The following KIAA1958 variants were observed in gnomAD, a reference collection of about 807,000 sequenced individuals.
The protein encoded by KIAA1958 is uncharacterized protein KIAA1958.
In KIAA1958, 14 loss-of-function variants were observed where a neutral mutation model predicts 47.2. The observed-to-expected ratio is 0.30, with a 90% confidence interval of 0.20 to 0.46. KIAA1958 has a LOEUF of 0.46. Among genes scored for constraint, KIAA1958 ranks in the 20% least tolerant of loss-of-function variants. The pLI is 1.00. For synonymous variants in KIAA1958, 354 were observed against 353.3 expected (o/e 1.00, Z -0.02); for missense variants, 803 against 909.2 (o/e 0.88, Z 1.50).
intron 1 of KIAA1958, among the ~76,000 whole-genome samples, chr9:112,556,306 G>C (rs1483723156): frequency 2.6e-5 from 4 of 152,198 alleles, no homozygotes; most frequent in Non-Finnish European, 5.9e-5. Context: ...CCAGGGCAAA[G>C]TCTGCTGCCT....
In KIAA1958 at chr9:112,668,927, A is replaced by G. The variant is rs142599122; in HGVS notation, c.*8858A>G. Reference sequence around the variant, plus strand: ...TTTATTTAAAAATTTAATATTTTCTATGGGGCTGTATTTTCCAAATAATAG... The same window carrying G: ...TTTATTTAAAAATTTAATATTTTCTGTGGGGCTGTATTTTCCAAATAATAG... On this transcript the variant is annotated 3_prime_UTR_variant, in exon 4 of 4. Coordinates refer to ENST00000337530, the MANE Select transcript of KIAA1958 (RefSeq NM_133465.4). 1.3e-4 allele frequency: 20 copies of G among 152,354 alleles called. No homozygotes were observed. In the East Asian group the frequency reaches 3.9e-3, roughly 29 times the overall value. 9.4% of individuals were successfully genotyped at this position (152,354 alleles called of 1,614,324 possible). A position where few individuals can be genotyped will look rare whatever the true frequency, so the allele number is the denominator to read the frequency against.
intron 1 of KIAA1958, among the ~76,000 whole-genome samples, chr9:112,534,979 A>C (rs1288108057): frequency 6.6e-6 from 1 of 152,150 alleles, no homozygotes; most frequent in Non-Finnish European, 1.5e-5. Context: ...AATTTTTTTA[A>C]TTGACAAATA....
chr9:112,592,950 A>C (rs1588032147), intron 2 of KIAA1958, among the ~76,000 whole-genome samples: 1 of 152,356 alleles, frequency 6.6e-6, no homozygotes. Flanking sequence ...TGTATATAAT[A>C]GCCCATTTTT....
chr9:112,632,734 G>A (rs1365441051), intron 2 of KIAA1958, among the ~76,000 whole-genome samples: 1 of 151,898 alleles, frequency 6.6e-6, no homozygotes. Flanking sequence ...TGTTTTATAA[G>A]TATTTTCTCC....
chr9:112,554,257 T>TGGGA (rs1342802752), intron 1 of KIAA1958, among the ~76,000 whole-genome samples: 1 of 152,134 alleles, frequency 6.6e-6, no homozygotes, highest in Non-Finnish European at 1.5e-5. Context: ...CCCAACACTT[T>TGGGA]GGGAGGCCGA....
chr9:112,617,598 C>A lies in KIAA1958; in HGVS notation c.1172-28052C>A, dbSNP rs550309769. On this transcript the variant is annotated intron_variant, in intron 2 of 3. Coordinates refer to ENST00000337530, the MANE Select transcript of KIAA1958 (RefSeq NM_133465.4). The stretch of plus-strand genomic sequence containing the variant: ...AAGGCTGTCTCTAATCTCTCTCTTT[C>A]GACAAACCTTCATGCACTAAACTAT... Among the ~76,000 whole-genome samples the A allele has an allele frequency of 2.0e-5, 3 of 152,262 alleles. No individual in the cohort carries two copies. The South Asian group carries it at 6.2e-4, about 32-fold the overall frequency.
rs962625450 is a variant in KIAA1958, at chr9:112,499,846, G to A, written c.-25+12728G>A. Among the ~76,000 whole-genome samples, 34 of 151,258 alleles carry A rather than the reference G, an allele frequency of 2.2e-4. 1 individual carries two copies. The highest frequency in any genetic ancestry group is 7.5e-4 in the African/African-American group (31 of 41,152). ...TGGGACTACAGGCGCCCACCACCAC[G>A]CCCGGCTAATTTTTTGTATATTTAG... On this transcript the variant is annotated intron_variant, in intron 1 of 3. Transcript: ENST00000337530.
intron 1 of KIAA1958, among the ~76,000 whole-genome samples, chr9:112,569,872 C>A (rs1205892670): frequency 6.6e-6 from 1 of 152,172 alleles, no homozygotes; most frequent in Non-Finnish European, 1.5e-5. Flanking sequence ...GATCCACCCA[C>A]TTCGGCTCCT....
At chr9:112,596,911 G>A (rs1481842999) in intron 2 of KIAA1958, among the ~76,000 whole-genome samples, 1 of 152,118 alleles carries the variant, frequency 6.6e-6, no homozygotes, top group Admixed American at 6.5e-5. Context: ...ATTAATATAT[G>A]CAATAAATGT....
At chr9:112,510,589 A>G (rs1014450316) in intron 1 of KIAA1958, among the ~76,000 whole-genome samples, 2 of 152,196 alleles carry the variant, frequency 1.3e-5, no homozygotes, top group Non-Finnish European at 2.9e-5. Flanking sequence ...TGGGTTACAT[A>G]TACTGTCTCT....
chr9:112,637,051 T>G (rs1035607927), intron 2 of KIAA1958, among the ~76,000 whole-genome samples: 1 of 152,202 alleles, frequency 6.6e-6, no homozygotes, highest in African/African-American at 2.4e-5. Context: ...ATTATTAAGA[T>G]CTACTTTAAT....
intron 1 of KIAA1958, among the ~76,000 whole-genome samples, chr9:112,526,628 C>G (rs918415998): frequency 3.9e-5 from 6 of 152,192 alleles, no homozygotes; most frequent in African/African-American, 1.4e-4. Flanking sequence ...ATGCTAGCAT[C>G]TGGTAAGGAC....
At chr9:112,578,544 G>A (rs62568624) in intron 2 of KIAA1958, among the ~76,000 whole-genome samples, 16,977 of 152,148 alleles carry the variant, frequency 0.11, 1,384 homozygotes, top group East Asian at 0.19. Context: ...GAAACAAAGA[G>A]AAATTGTTCC....
intron 3 of KIAA1958, among the ~76,000 whole-genome samples, chr9:112,649,173 T>A (rs1837021191): frequency 1.3e-5 from 2 of 152,084 alleles, no homozygotes; most frequent in African/African-American, 2.4e-5. Context: ...TTTTTTTTTT[T>A]ATTTTGAGAC....
At chr9:112,620,826 A>C (rs1836493133) in intron 2 of KIAA1958, among the ~76,000 whole-genome samples, 1 of 152,112 alleles carries the variant, frequency 6.6e-6, no homozygotes. Context: ...AAACACAGAT[A>C]AGGATAAAGA....
intron 2 of KIAA1958, among the ~76,000 whole-genome samples, chr9:112,624,879 G>T (rs1005214571): frequency 7.2e-5 from 11 of 152,196 alleles, no homozygotes; most frequent in African/African-American, 2.4e-4. Flanking sequence ...GGACCCAAGA[G>T]ATCATCTAGC....
intron 1 of KIAA1958, among the ~76,000 whole-genome samples, chr9:112,490,271 C>T (rs1364244527): frequency 1.3e-5 from 2 of 152,122 alleles, no homozygotes; most frequent in Non-Finnish European, 2.9e-5. Context: ...TATTTTCTGA[C>T]AGTTTGTGTT....
At chr9:112,503,616 C>CAAAA (rs762669967) in intron 1 of KIAA1958, among the ~76,000 whole-genome samples, 3 of 106,364 alleles carry the variant, frequency 2.8e-5, no homozygotes, top group South Asian at 3.9e-4. Context: ...GACCCTGTCT[C>CAAAA]AAAAAAAAAA....
intron 1 of KIAA1958, among the ~76,000 whole-genome samples, chr9:112,490,395 C>T (rs971517585): frequency 3.9e-5 from 6 of 152,126 alleles, no homozygotes; most frequent in African/African-American, 9.7e-5. Flanking sequence ...TTAACTCTTA[C>T]GTGATACTTC....
Sources: gnomAD v4.1 joint callset for allele counts (sites outside exome capture counted in the v4.1 genomes callset) on GRCh38, gnomAD v4.1.1 for gene constraint, MANE v1.5 for transcripts, NCBI Gene and HGNC (gene_info 2026-07-23, HGNC 2026-07-21) for gene names.